DACH2: variants seen among roughly 807,000 people sequenced by gnomAD.
DACH2 encodes the protein dachshund family transcription factor 2.
In DACH2, 17 loss-of-function variants were observed where a neutral mutation model predicts 35.8. The observed-to-expected ratio is 0.48, with a 90% CI of 0.33 to 0.71. The LOEUF is 0.71. DACH2 is among the 30% of genes least tolerant of loss of function. The pLI is 0.02. For synonymous variants in DACH2, 195 were observed against 177.3 expected (o/e 1.10, Z -0.79); for missense variants, 469 against 472.7 (o/e 0.99, Z 0.07).
intron 11 of DACH2, chrX:86,829,692 T>C (rs1271232331): frequency 8.9e-6 from 1 of 112,652 alleles, no homozygotes; most frequent in Non-Finnish European, 1.9e-5. Context: ...TTCTGTGTCA[T>C]GGCATATGCC....
rs187235712 is a variant in DACH2 at position 86,617,483 on chromosome X, C to T, written c.641-33553C>T. On this transcript the variant is annotated intron_variant, in intron 3 of 11. Transcript: ENST00000373125. ...GTGTTTTGTAATTCTCATCGTTGAA[C>T]TTTCTCCTCTCTGTTCAGCTGTATT... Among the ~76,000 whole-genome samples the T allele has an allele frequency of 6.9e-4, 75 of 109,414 alleles. 2 individuals are homozygous for T. Among genetic ancestry groups the T allele is most frequent in the African/African-American group, 2.4e-3 (72 of 30,181 alleles).
At chrX:86,240,666 G>T (rs1235932921) in intron 1 of DACH2, among the ~76,000 whole-genome samples, 1 of 109,286 alleles carries the variant, frequency 9.2e-6, no homozygotes, top group Non-Finnish European at 1.9e-5. Flanking sequence ...TGTAGAGATG[G>T]TGATATGGTT....
At chrX:86,485,956 G>C (rs1381002157) in intron 2 of DACH2, among the ~76,000 whole-genome samples, 1 of 111,932 alleles carries the variant, frequency 8.9e-6, no homozygotes, top group Non-Finnish European at 1.9e-5. Flanking sequence ...ACTACCTGCT[G>C]TGTGACCTTG....
chrX:86,590,069 G>A (rs1322241244), intron 3 of DACH2, among the ~76,000 whole-genome samples: 1 of 111,585 alleles, frequency 9.0e-6, no homozygotes, highest in Non-Finnish European at 1.9e-5. Flanking sequence ...AGAAAGAGTT[G>A]GCTTGTAGAA....
intron 3 of DACH2, among the ~76,000 whole-genome samples, chrX:86,517,541 C>T (rs188020482): frequency 5.5e-5 from 6 of 108,447 alleles, no homozygotes; most frequent in Non-Finnish European, 9.6e-5. Flanking sequence ...CTCAGCCTCC[C>T]GAGTAGCTGG....
intron 2 of DACH2, among the ~76,000 whole-genome samples, chrX:86,391,322 A>AAAAAAAT (rs2036199766): frequency 1.3e-5 from 1 of 75,832 alleles, no homozygotes; most frequent in Non-Finnish European, 2.5e-5. Context: ...AAAAAAAAAA[A>AAAAAAAT]GACTGGTTTC....
At chrX:86,253,405 A>T (rs1338799407) in intron 1 of DACH2, among the ~76,000 whole-genome samples, 1 of 111,651 alleles carries the variant, frequency 9.0e-6, no homozygotes, top group Non-Finnish European at 1.9e-5. Context: ...ATCACCTCTT[A>T]AAAGCTGCTT....
intron 2 of DACH2, among the ~76,000 whole-genome samples, chrX:86,380,638 T>A (rs1297973467): frequency 9.1e-6 from 1 of 110,276 alleles, no homozygotes; most frequent in Non-Finnish European, 1.9e-5. Context: ...TTTTAAAAAT[T>A]GTATCTGAAA....
chrX:86,455,535 G>C (rs910233543), intron 2 of DACH2, among the ~76,000 whole-genome samples: 1 of 112,217 alleles, frequency 8.9e-6, no homozygotes, highest in African/African-American at 3.2e-5. Context: ...AATAGATTGG[G>C]GTCCCATTTA....
At chrX:86,466,029 T>G (rs2148216176) in intron 2 of DACH2, among the ~76,000 whole-genome samples, 1 of 111,824 alleles carries the variant, frequency 8.9e-6, no homozygotes, top group Admixed American at 9.5e-5. Context: ...TAGTCCATTT[T>G]CATGCTGCTG....
chrX:86,324,949 G>A (rs1334485186), intron 1 of DACH2, among the ~76,000 whole-genome samples: 1 of 110,397 alleles, frequency 9.1e-6, no homozygotes, highest in African/African-American at 3.3e-5. Context: ...ATTAGGACTT[G>A]CCAAAGGCTC....
At chrX:86,614,826 C>T (rs1188713481) in intron 3 of DACH2, among the ~76,000 whole-genome samples, 1 of 110,971 alleles carries the variant, frequency 9.0e-6, no homozygotes, top group Non-Finnish European at 1.9e-5. Flanking sequence ...CAGGGTAATC[C>T]CAAAAGGCAT....
intron 4 of DACH2, among the ~76,000 whole-genome samples, chrX:86,692,831 T>C (rs951798250): frequency 8.9e-6 from 1 of 112,056 alleles, no homozygotes; most frequent in African/African-American, 3.2e-5. Context: ...GCTCAGCAAT[T>C]GATCTTTCAA....
At chrX:86,237,191 G>A (rs1416114591) in intron 1 of DACH2, among the ~76,000 whole-genome samples, 1 of 111,617 alleles carries the variant, frequency 9.0e-6, no homozygotes, top group Non-Finnish European at 1.9e-5. Flanking sequence ...ACATAGGGCT[G>A]CCATCTCCTG....
intron 3 of DACH2, among the ~76,000 whole-genome samples, chrX:86,581,244 A>T (rs980978745): frequency 8.9e-6 from 1 of 112,100 alleles, no homozygotes; most frequent in Non-Finnish European, 1.9e-5. Flanking sequence ...TATGGAAAGG[A>T]AAGACCACTA....
At chrX:86,264,742 A>C (rs2033682600) in intron 1 of DACH2, among the ~76,000 whole-genome samples, 1 of 111,793 alleles carries the variant, frequency 8.9e-6, no homozygotes, top group South Asian at 3.7e-4. Context: ...TTTGTATTAT[A>C]AATAGTATTA....
At chrX:86,521,675 T>G (rs772519365) in intron 3 of DACH2, among the ~76,000 whole-genome samples, 2 of 111,835 alleles carry the variant, frequency 1.8e-5, no homozygotes, top group Admixed American at 1.9e-4. Context: ...TGAGCACATT[T>G]GTTAAAGATG....
At chrX:86,261,682 C>T (rs1306906302) in intron 1 of DACH2, among the ~76,000 whole-genome samples, 1 of 111,091 alleles carries the variant, frequency 9.0e-6, no homozygotes, top group Non-Finnish European at 1.9e-5. Flanking sequence ...CATTCTGGGG[C>T]CCATACTTGA....
intron 5 of DACH2, among the ~76,000 whole-genome samples, chrX:86,697,234 A>G (rs1425530511): frequency 1.8e-5 from 2 of 111,640 alleles, no homozygotes; most frequent in Non-Finnish European, 3.8e-5. Context: ...CCTGTATAAC[A>G]AAGGGGGATT....
Sources: allele counts gnomAD v4.1 joint callset (sites outside exome capture counted in the v4.1 genomes callset), GRCh38; gene constraint gnomAD v4.1.1; transcripts MANE v1.5; gene names NCBI Gene and HGNC (gene_info 2026-07-23, HGNC 2026-07-21).